OC90: variants seen among roughly 807,000 people sequenced by gnomAD.
OC90 encodes otoconin-90.
In OC90, 46 loss-of-function variants were observed where a neutral mutation model predicts 47.3. That is an observed-to-expected ratio of 0.97 (90% CI 0.77 to 1.24). The LOEUF (loss-of-function observed/expected upper bound fraction) is 1.24. Ranked by LOEUF, OC90 falls within the 50% of genes most tolerant of loss-of-function variation. The probability of loss-of-function intolerance (pLI) is 0.00; values close to 1 mark genes in which losing one functional copy is unlikely to be tolerated. For synonymous variants in OC90, 271 were observed against 219.5 expected, an observed-to-expected ratio of 1.23 and a Z score of -2.07; for missense variants, 688 against 583.9, an observed-to-expected ratio of 1.18 and a Z score of -1.84.
rs1161324429 is a variant in OC90 at position 132,024,782 on chromosome 8, A to G, written c.1139-6T>C. 6.2e-7 allele frequency: 1 copy of G among 1,608,840 alleles called. No individual in the cohort carries two copies. The highest frequency in any genetic ancestry group is 8.5e-7 in the Non-Finnish European group (1 of 1,177,162). On this transcript the variant is annotated splice_region_variant and splice_polypyrimidine_tract_variant and intron_variant, in intron 13 of 13. Transcript: ENST00000254627. Reference sequence around the variant, plus strand: ...ACACAGGCTTTGGCCCCCACCTTAGAAGGAAAGAGCAGAGTAGAAGCCATG... The same window carrying G: ...ACACAGGCTTTGGCCCCCACCTTAGGAGGAAAGAGCAGAGTAGAAGCCATG...
intron 1 of OC90, among the ~76,000 whole-genome samples, chr8:132,055,664 G>T (rs1235985906): frequency 1.3e-5 from 2 of 152,192 alleles, no homozygotes; most frequent in Non-Finnish European, 2.9e-5. Context: ...TTTTCCGGCA[G>T]CATCTCCCTC....
intron 13 of OC90, among the ~76,000 whole-genome samples, chr8:132,028,747 A>G (rs1038894404): frequency 5.3e-5 from 8 of 149,622 alleles, no homozygotes; most frequent in African/African-American, 1.5e-4. Flanking sequence ...AGGAAGGAAG[A>G]AAGGAAGAGA....
At chr8:132,029,659 A>AGC (rs1822844424) in intron 12 of OC90, among the ~76,000 whole-genome samples, 1 of 152,204 alleles carries the variant, frequency 6.6e-6, no homozygotes. Flanking sequence ...CTTAAAAAAG[A>AGC]GCAGAGTAAC....
intron 2 of OC90, among the ~76,000 whole-genome samples, chr8:132,046,950 T>C (rs994985225): frequency 2.6e-5 from 4 of 152,212 alleles, no homozygotes; most frequent in Non-Finnish European, 5.9e-5. Context: ...TTTTGGGTTG[T>C]GAAATTTTCT....
At chr8:132,056,885 G>A (rs547025107) in intron 1 of OC90, among the ~76,000 whole-genome samples, 1 of 152,300 alleles carries the variant, frequency 6.6e-6, no homozygotes, top group South Asian at 2.1e-4. Context: ...ATCACACCAT[G>A]ACAGGTTGCC....
intron 2 of OC90, among the ~76,000 whole-genome samples, chr8:132,053,815 C>T (rs1295088144): frequency 6.6e-6 from 1 of 152,198 alleles, no homozygotes; most frequent in Admixed American, 6.5e-5. Flanking sequence ...AATGTGGCCA[C>T]CATCCCACTG....
chr8:132,042,519 T>TATG (rs1379907749), intron 4 of OC90, among the ~76,000 whole-genome samples: 2 of 152,174 alleles, frequency 1.3e-5, no homozygotes, highest in African/African-American at 4.8e-5. Flanking sequence ...TTTTTCAGCC[T>TATG]ATGACCGCCT....
intron 11 of OC90, 24 bp downstream of exon 11, chr8:132,033,015 A>T (rs1282699329): frequency 6.2e-7 from 1 of 1,602,896 alleles, no homozygotes. Context: ...AGCAGCGGAG[A>T]GGACAGACAC....
At position 132,031,969 on chromosome 8, in the gene OC90, G is replaced by C. The variant is rs767515572; in HGVS notation, c.943C>G (p.Leu315Val). ...MPQLGEMLFC[L>V]TSRCPEEFES... ...AATTCCTCCGGGCACCGGGATGTCA[G>C]ACAAAAGAGCATCTCTCCAAGCTGT... Residue 315 changes from leucine to valine, a missense_variant, in exon 12 of 14, where the codon CTG becomes GTG. Leu to Val is a conservative substitution (Grantham distance 32). Coordinates refer to ENST00000254627, the MANE Select transcript of OC90 (RefSeq NM_001080399.3). 7 of 1,613,990 alleles carry C rather than the reference G, an allele frequency of 4.3e-6. No individual in the cohort carries two copies. The highest frequency in any genetic ancestry group is 5.9e-6 in the Non-Finnish European group (7 of 1,179,852).
chr8:132,024,439 G>A lies in OC90; in HGVS notation c.*42C>T. The A allele has an allele frequency of 6.9e-7, 1 of 1,446,622 alleles. No homozygotes were observed. The highest frequency in any genetic ancestry group is 9.3e-7 in the Non-Finnish European group (1 of 1,071,488). The allele number at this position is 1,446,622 out of a possible 1,614,324, so 89.6% of individuals were successfully genotyped here. A position where few individuals can be genotyped will look rare whatever the true frequency, so the allele number is the denominator to read the frequency against. ...GAGATAAAGAGCTGAAGGTGGAGCAGGAGCCACGCTACTGAAGGTGTTAGC... is the reference window on the plus strand; with the variant it reads ...GAGATAAAGAGCTGAAGGTGGAGCAAGAGCCACGCTACTGAAGGTGTTAGC... On this transcript the variant is annotated 3_prime_UTR_variant, in exon 14 of 14. Coordinates refer to ENST00000254627, the MANE Select transcript of OC90 (RefSeq NM_001080399.3).
chr8:132,036,553 A>C, intron 9 of OC90: 1 of 674,174 alleles, frequency 1.5e-6, no homozygotes, highest in African/African-American at 1.7e-5. Flanking sequence ...TGGCTGCACA[A>C]TGGTGTTCAC....
chr8:132,055,196 A>C, intron 1 of OC90, 123 bp from the exon 2 acceptor site: 1 of 582,972 alleles, frequency 1.7e-6, no homozygotes, highest in Non-Finnish European at 3.0e-6. Context: ...AAGCCCTGAA[A>C]GGGTGTAGGT....
chr8:132,040,556 C>T (rs560447012), intron 6 of OC90, among the ~76,000 whole-genome samples: 2 of 152,310 alleles, frequency 1.3e-5, no homozygotes, highest in East Asian at 1.9e-4. Flanking sequence ...CACCACCGCA[C>T]GCCTTATTCA....
At chr8:132,036,066 A>G (rs944427661) in intron 9 of OC90, among the ~76,000 whole-genome samples, 1 of 152,202 alleles carries the variant, frequency 6.6e-6, no homozygotes, top group African/African-American at 2.4e-5. Context: ...TGCTGATGAA[A>G]TTTTGGCCTA....
intron 13 of OC90, among the ~76,000 whole-genome samples, chr8:132,027,291 G>A (rs902838034): frequency 1.3e-5 from 2 of 152,200 alleles, no homozygotes; most frequent in South Asian, 2.1e-4. Context: ...CCTGGTGAAG[G>A]TTTGTTGGTT....
chr8:132,030,403 T>C (rs1822857447), intron 12 of OC90, among the ~76,000 whole-genome samples: 1 of 152,230 alleles, frequency 6.6e-6, no homozygotes, highest in African/African-American at 2.4e-5. Flanking sequence ...AGTAGCCATA[T>C]CATAACTTAC....
At chr8:132,036,288 G>C in intron 9 of OC90, 1 of 774,320 alleles carries the variant, frequency 1.3e-6, no homozygotes, top group South Asian at 1.4e-5. Flanking sequence ...AGTGGTCACA[G>C]GACTGAGCAC....
intron 2 of OC90, among the ~76,000 whole-genome samples, chr8:132,049,228 T>A (rs1823179870): frequency 6.7e-6 from 1 of 148,828 alleles, no homozygotes; most frequent in Non-Finnish European, 1.5e-5. Context: ...TTTGTGTCAA[T>A]GTTATCAAGT....
At chr8:132,028,608 AGGG>A (rs1563727514) in intron 13 of OC90, among the ~76,000 whole-genome samples, 1 of 108,122 alleles carries the variant, frequency 9.2e-6, no homozygotes, top group African/African-American at 4.2e-5. Flanking sequence ...GGAGGGAAGG[AGGG>A]AAGGAGGAAG....
Sources: gnomAD v4.1 joint callset for allele counts (sites outside exome capture counted in the v4.1 genomes callset) on GRCh38, gnomAD v4.1.1 for gene constraint, MANE v1.5 for transcripts, NCBI Gene and HGNC (gene_info 2026-07-23, HGNC 2026-07-21) for gene names.